The following CTCFL variants were observed in gnomAD, a reference collection of about 807,000 sequenced individuals.
The protein encoded by CTCFL is transcriptional repressor CTCFL.
CTCFL carries 36 observed loss-of-function variants against 67.4 expected under a neutral mutation model. The ratio of observed to expected loss-of-function variants is 0.53; its 90% CI spans 0.41 to 0.71. CTCFL has a LOEUF of 0.71. CTCFL is among the 30% of genes least tolerant of loss of function. The probability of loss-of-function intolerance (pLI) is 0.00; values close to 1 mark genes in which losing one functional copy is unlikely to be tolerated. For missense variants in CTCFL, 786 were observed against 835.2 expected (o/e 0.94, Z 0.73); for synonymous variants, 324 against 302.3 (o/e 1.07, Z -0.75).
intron 9 of CTCFL, 43 bp from the exon 10 acceptor site, chr20:57,503,644 G>A: frequency 6.2e-7 from 1 of 1,606,444 alleles, no homozygotes; most frequent in Admixed American, 1.7e-5. Flanking sequence ...GAGTGAGATG[G>A]GGCAGGGACC....
At chr20:57,506,223 G>A (rs942877665) in intron 9 of CTCFL, among the ~76,000 whole-genome samples, 2 of 152,202 alleles carry the variant, frequency 1.3e-5, no homozygotes, top group Admixed American at 6.5e-5. Flanking sequence ...GATTTGCGTT[G>A]CCCTGGTGAT....
chr20:57,510,064 T>C (rs1402240235), intron 8 of CTCFL, among the ~76,000 whole-genome samples: 1 of 152,256 alleles, frequency 6.6e-6, no homozygotes, highest in Non-Finnish European at 1.5e-5. Flanking sequence ...TTGTTCAAAA[T>C]CTACCAGAAA....
chr20:57,512,628 C>T lies in CTCFL; in HGVS notation c.1455G>A (p.Arg485=). The T allele has an allele frequency of 6.2e-7, 1 of 1,614,236 alleles. No individual in the cohort carries two copies. The highest frequency in any genetic ancestry group is 8.5e-7 in the Non-Finnish European group (1 of 1,180,038). Residue 485 remains arginine, a synonymous_variant, in exon 8 of 11, where the codon AGG becomes AGA. Coordinates refer to ENST00000243914, the MANE Select transcript of CTCFL (RefSeq NM_001386993.1). ...QHQKTHKNEK[R]FKCKHCSYAC... is the part of the protein sequence containing the mutation. ...CATAACTGCAGTGTTTGCACTTGAA[C>T]CTCTTCTCATTCTTATGAGTTTTCT...
At chr20:57,522,927 A>T in intron 3 of CTCFL, 141 bp downstream of exon 3, 1 of 669,858 alleles carries the variant, frequency 1.5e-6, no homozygotes, top group Non-Finnish European at 2.5e-6. Flanking sequence ...AATACAGAAC[A>T]TTAGTTTAAA....
intron 5 of CTCFL, among the ~76,000 whole-genome samples, chr20:57,517,403 A>G (rs1371597036): frequency 6.6e-6 from 1 of 150,926 alleles, no homozygotes; most frequent in Non-Finnish European, 1.5e-5. Context: ...CAGCCTCCTG[A>G]GTAGCTAGGA....
chr20:57,498,111 T>C lies in CTCFL; in HGVS notation c.*439A>G. The C allele has an allele frequency of 1.0e-6, 1 of 975,234 alleles. No individual in the cohort carries two copies. The highest frequency in any genetic ancestry group is 1.2e-6 in the Non-Finnish European group (1 of 820,474). The allele number at this position is 975,234 out of a possible 1,614,324, so 60.4% of individuals were successfully genotyped here. On this transcript the variant is annotated 3_prime_UTR_variant, in exon 11 of 11. Coordinates refer to ENST00000243914, the MANE Select transcript of CTCFL (RefSeq NM_001386993.1). ...TATCATGGGTGTATATAATGCAACA[T>C]AAAAATGTCCAGCTTTGACTGTGGA...
In CTCFL at chr20:57,524,030, C is replaced by T. The variant is rs1170891952; in HGVS notation, c.176G>A (p.Ser59Asn). 6.2e-7 allele frequency: 1 copy of T among 1,613,470 alleles called. No individual in the cohort carries two copies. The highest frequency in any genetic ancestry group is 8.5e-7 in the Non-Finnish European group (1 of 1,179,964). ...AERTSGAFQD[S>N]VLEEEVELVL... is the part of the protein sequence containing the mutation. ...CAGCTCCACTTCTTCCTCCAGGACG[C>T]TGTCCTGGAAGGCCCCAGAGGTACG... The change falls in exon 2 of 11, where the codon AGC becomes AAC. Residue 59 changes from serine (S) to asparagine (N), a missense_variant. Around this residue, in one of 3 missense-constraint regions of CTCFL, gnomAD observed 333 missense variants for 304.6 expected, o/e 1.09. Transcript: ENST00000243914.
At chr20:57,513,167 T>C (rs773856798) in intron 7 of CTCFL, 324 of 816,626 alleles carry the variant, frequency 4.0e-4, no homozygotes, top group Non-Finnish European at 4.7e-4. Context: ...AGAACTATTA[T>C]GGGGTAGGTG....
chr20:57,505,154 A>C (rs2068128885), intron 9 of CTCFL, among the ~76,000 whole-genome samples: 3 of 151,936 alleles, frequency 2.0e-5, no homozygotes, highest in African/African-American at 7.2e-5. Flanking sequence ...ATGACTTTTT[A>C]AAGGTGACCC....
intron 10 of CTCFL, chr20:57,500,085 ATTTT>A (rs3068009): frequency 2.8e-5 from 26 of 925,062 alleles, no homozygotes; most frequent in Admixed American, 8.6e-5. Context: ...TCCTTGAAGT[ATTTT>A]TTTTTTTTTT....
Position 57,497,313 on chromosome 20 carries a change from A to G in CTCFL, c.*1237T>C. On this transcript the variant is annotated 3_prime_UTR_variant, in exon 11 of 11. Transcript: ENST00000243914. ...TTAAATCTCATGTGAGTTGAGTTAA[A>G]TTAATTTGCTGGTACAAAGAGAATA... 1 of 985,318 alleles carries G rather than the reference A, an allele frequency of 1.0e-6. No homozygotes were observed. The allele number at this position is 985,318 out of a possible 1,614,324, so 61.0% of individuals were successfully genotyped here.
intron 7 of CTCFL, 101 bp downstream of exon 7, chr20:57,514,491 G>C (rs755444985): frequency 7.2e-7 from 1 of 1,391,670 alleles, no homozygotes; most frequent in South Asian, 1.4e-5. Context: ...CCCGAAGACC[G>C]GGCCTCCCAG....
At chr20:57,505,380 C>G (rs1029656857) in intron 9 of CTCFL, among the ~76,000 whole-genome samples, 1 of 151,614 alleles carries the variant, frequency 6.6e-6, no homozygotes, top group South Asian at 2.1e-4. Flanking sequence ...CTCAGCCTCC[C>G]GAGTAGCTGG....
chr20:57,504,251 C>T (rs2068073275), intron 9 of CTCFL, among the ~76,000 whole-genome samples: 1 of 148,362 alleles, frequency 6.7e-6, no homozygotes, highest in Admixed American at 6.7e-5. Flanking sequence ...GCTGGGATTA[C>T]AGGCATGAGC....
At chr20:57,496,384 C>CA, downstream of CTCFL, 1 of 574,404 alleles carries the variant, frequency 1.7e-6, no homozygotes, top group Non-Finnish European at 3.2e-6. Context: ...AATTAAAACT[C>CA]TTTTCTTTAT....
At position 57,524,185 on chromosome 20, in the gene CTCFL, A is replaced by G; in HGVS notation, c.21T>C (p.Ser7=). 2 of 1,612,584 alleles carry G rather than the reference A, an allele frequency of 1.2e-6. No individual in the cohort carries two copies. Among genetic ancestry groups the G allele is most frequent in the Non-Finnish European group, 1.7e-6 (2 of 1,179,568 alleles). ...TCTTGGTGAATTGCTCAGAAAGGAC[A>G]GAGATCTCAGTGGCTGCCATAATGA... MAATEI[S]VLSEQFTKIK... Residue 7 remains serine (S), a synonymous_variant, in exon 2 of 11, where the codon TCT becomes TCC. Transcript: ENST00000243914.
In CTCFL at chr20:57,523,699, T is replaced by C. The variant is rs1269354129; in HGVS notation, c.507A>G (p.Leu169=). The C allele has an allele frequency of 6.2e-7, 1 of 1,613,576 alleles. No individual in the cohort carries two copies. ...CAGTAGTTTCAGCCAGGCTCACCGC[T>C]AACTTACTGTCTTCACTGGCCACCA... ...NVMVASEDSK[L]AVSLAETTGL... Residue 169 remains leucine, a synonymous_variant, in exon 2 of 11, where the codon TTA becomes TTG. Transcript: ENST00000243914.
intron 3 of CTCFL, among the ~76,000 whole-genome samples, chr20:57,519,869 T>A (rs551980502): frequency 6.6e-6 from 1 of 152,164 alleles, no homozygotes; most frequent in African/African-American, 2.4e-5. Context: ...ACCACAGCCA[T>A]AAGTCATGTG....
chr20:57,515,616 C>A, intron 6 of CTCFL, 98 bp downstream of exon 6: 1 of 1,517,594 alleles, frequency 6.6e-7, no homozygotes, highest in Non-Finnish European at 9.1e-7. Flanking sequence ...TCCACTTTTA[C>A]CTTTGAACTT....
Sources: allele counts gnomAD v4.1 joint callset (sites outside exome capture counted in the v4.1 genomes callset), GRCh38; gene constraint gnomAD v4.1.1; regional missense constraint gnomAD v4.1.1; transcripts MANE v1.5; gene names NCBI Gene and HGNC (gene_info 2026-07-23, HGNC 2026-07-21).